Variants in LIPI observed in about 807,000 individuals in gnomAD.
LIPI encodes lipase member I.
In LIPI, 59 loss-of-function variants were observed where a neutral mutation model predicts 50.6. The ratio of observed to expected loss-of-function variants is 1.16; its 90% confidence interval spans 0.94 to 1.45. The LOEUF (loss-of-function observed/expected upper bound fraction) is 1.45, where lower values mean the gene tolerates loss of function less well. Ranked by LOEUF, LIPI falls within the 40% of genes most tolerant of loss-of-function variation. The pLI is 0.00. For synonymous variants in LIPI, 203 were observed against 178.2 expected (o/e 1.14, Z -1.11); for missense variants, 586 against 536.3 (o/e 1.09, Z -0.92).
At chr21:14,207,685 T>C (rs80355760) in intron 1 of LIPI, among the ~76,000 whole-genome samples, 2 of 152,278 alleles carry the variant, frequency 1.3e-5, no homozygotes, top group Non-Finnish European at 2.9e-5. Context: ...ATATCTGCAT[T>C]TTTTTAAGTG....
intron 7 of LIPI, among the ~76,000 whole-genome samples, chr21:14,158,139 A>C (rs578140676): frequency 1.3e-5 from 2 of 151,824 alleles, no homozygotes; most frequent in African/African-American, 4.8e-5. Context: ...CTTTATACCC[A>C]AAAAAGCAGA....
chr21:14,162,395 T>C (rs1332398543), intron 7 of LIPI, among the ~76,000 whole-genome samples: 1 of 151,732 alleles, frequency 6.6e-6, no homozygotes, highest in African/African-American at 2.4e-5. Flanking sequence ...TGGTGGTAGA[T>C]ACAGAGCCCT....
chr21:14,126,450 C>T (rs2017069620), intron 9 of LIPI, among the ~76,000 whole-genome samples: 1 of 152,102 alleles, frequency 6.6e-6, no homozygotes, highest in Non-Finnish European at 1.5e-5. Flanking sequence ...TAAAAGACCT[C>T]ATGCTACACA....
At chr21:14,123,823 T>C (rs754628531) in intron 9 of LIPI, among the ~76,000 whole-genome samples, 6 of 152,124 alleles carry the variant, frequency 3.9e-5, no homozygotes, top group Non-Finnish European at 8.8e-5. Context: ...TACAAGCCAC[T>C]CAAATGAGAG....
intron 1 of LIPI, among the ~76,000 whole-genome samples, chr21:14,198,328 C>A (rs1223482280): frequency 6.6e-6 from 1 of 152,030 alleles, no homozygotes; most frequent in African/African-American, 2.4e-5. Context: ...GAGTGGCAAA[C>A]TGGATAAAGT....
chr21:14,189,354 T>A lies in LIPI; in HGVS notation c.112A>T (p.Ile38Phe), dbSNP rs750736257. 4.3e-6 allele frequency: 7 copies of A among 1,612,408 alleles called. No individual in the cohort carries two copies. The highest frequency in any genetic ancestry group is 3.3e-5 in the Admixed American group (2 of 59,964). ...SVKDSFRDLF[I>F]PRIETILMMY... ...ATCAGAATGGTCTCTATTCTCGGAA[T>A]AAATAAATCTCTGAAGGAATCCTTT... Residue 38 changes from isoleucine (I) to phenylalanine (F), a missense_variant, in exon 2 of 10, where the codon ATT becomes TTT. By Grantham distance (21) the Ile-to-Phe change is conservative (BLOSUM62 0). Transcript: ENST00000681601.
intron 9 of LIPI, among the ~76,000 whole-genome samples, chr21:14,113,975 C>T (rs950793844): frequency 6.6e-6 from 1 of 152,100 alleles, no homozygotes; most frequent in Non-Finnish European, 1.5e-5. Context: ...ATCATGAGGT[C>T]AGCAGATTGA....
chr21:14,140,718 T>C (rs1490333891), intron 9 of LIPI, among the ~76,000 whole-genome samples: 2 of 152,158 alleles, frequency 1.3e-5, no homozygotes, highest in East Asian at 3.8e-4. Context: ...ATGCTCTTCT[T>C]ATCATCTATA....
At chr21:14,152,386 C>A (rs2018125960) in intron 8 of LIPI, among the ~76,000 whole-genome samples, 187 bp downstream of exon 8, 2 of 152,092 alleles carry the variant, frequency 1.3e-5, no homozygotes, top group Non-Finnish European at 2.9e-5. Flanking sequence ...GCCTCTTTAA[C>A]ATATGTTATC....
intron 1 of LIPI, among the ~76,000 whole-genome samples, chr21:14,190,292 C>T (rs2019627375): frequency 6.6e-6 from 1 of 152,026 alleles, no homozygotes; most frequent in East Asian, 1.9e-4. Flanking sequence ...TTCTTTTTCA[C>T]AGATTTTTGT....
At chr21:14,195,793 G>T (rs558341494) in intron 1 of LIPI, among the ~76,000 whole-genome samples, 1 of 152,110 alleles carries the variant, frequency 6.6e-6, no homozygotes, top group African/African-American at 2.4e-5. Context: ...ATCGGCAAAA[G>T]AATTAAAGAC....
At chr21:14,152,103 AT>A (rs1299187011) in intron 8 of LIPI, among the ~76,000 whole-genome samples, 1 of 150,460 alleles carries the variant, frequency 6.6e-6, no homozygotes, top group Non-Finnish European at 1.5e-5. Flanking sequence ...TTATTTATTT[AT>A]TTATTTATTT....
intron 9 of LIPI, among the ~76,000 whole-genome samples, chr21:14,120,699 G>T (rs1379007638): frequency 1.3e-5 from 2 of 152,224 alleles, no homozygotes; most frequent in East Asian, 3.8e-4. Flanking sequence ...CAGTGAGAAG[G>T]TGTGGTTCAC....
At chr21:14,167,734 C>T (rs933168000) in intron 4 of LIPI, among the ~76,000 whole-genome samples, 1 of 151,982 alleles carries the variant, frequency 6.6e-6, no homozygotes, top group Non-Finnish European at 1.5e-5. Flanking sequence ...TCATCAAAGA[C>T]CAAAAGTAGA....
chr21:14,204,052 C>T (rs754558630), intron 1 of LIPI, among the ~76,000 whole-genome samples: 18 of 152,002 alleles, frequency 1.2e-4, no homozygotes, highest in Non-Finnish European at 2.5e-4. Flanking sequence ...CACATGGACA[C>T]ATGGGGGAGA....
chr21:14,175,987 G>T (rs2019080839), intron 4 of LIPI, among the ~76,000 whole-genome samples: 1 of 151,990 alleles, frequency 6.6e-6, no homozygotes. Flanking sequence ...GACCGTCCTG[G>T]CTAACACGGT....
chr21:14,110,057 T>C (rs969820556), intron 9 of LIPI, among the ~76,000 whole-genome samples: 1 of 151,926 alleles, frequency 6.6e-6, no homozygotes, highest in Admixed American at 6.6e-5. Context: ...TCTAATGCTT[T>C]GCTTACCACA....
intron 1 of LIPI, among the ~76,000 whole-genome samples, chr21:14,191,569 T>G (rs2019678524): frequency 6.6e-6 from 1 of 152,040 alleles, no homozygotes; most frequent in Admixed American, 6.6e-5. Flanking sequence ...CAGGCAATTT[T>G]AAATAAATAG....
chr21:14,117,314 C>A (rs1168268186), intron 9 of LIPI, among the ~76,000 whole-genome samples: 1 of 40,632 alleles, frequency 2.5e-5, no homozygotes, highest in Non-Finnish European at 4.4e-5. Context: ...TCTTAACTCA[C>A]AGCCCAACCT....
Sources: gnomAD v4.1 joint callset for allele counts (sites outside exome capture counted in the v4.1 genomes callset) on GRCh38, gnomAD v4.1.1 for gene constraint, MANE v1.5 for transcripts, NCBI Gene and HGNC (gene_info 2026-07-23, HGNC 2026-07-21) for gene names.